ASTN2: variants seen among roughly 807,000 people sequenced by gnomAD.
ASTN2 encodes the protein astrotactin-2.
Under a neutral mutation model 139.8 loss-of-function variants are expected in ASTN2, and 54 were observed. The ratio of observed to expected loss-of-function variants is 0.39; its 90% CI spans 0.31 to 0.48. The LOEUF (loss-of-function observed/expected upper bound fraction) is 0.48. ASTN2 is among the 20% of genes least tolerant of loss of function. The pLI is 0.95. For missense variants in ASTN2, 1,565 were observed against 1,725.1 expected, an observed-to-expected ratio of 0.91 and a Z score of 1.64; for synonymous variants, 756 against 719.5, an observed-to-expected ratio of 1.05 and a Z score of -0.81.
At chr9:116,901,461 G>A (rs1834009073) in intron 10 of ASTN2, among the ~76,000 whole-genome samples, 1 of 152,168 alleles carries the variant, frequency 6.6e-6, no homozygotes, top group Admixed American at 6.5e-5. Context: ...AGGCAGCAGT[G>A]AGCTGAGATC....
At chr9:116,661,072 T>C (rs1211821037) in intron 16 of ASTN2, among the ~76,000 whole-genome samples, 1 of 152,138 alleles carries the variant, frequency 6.6e-6, no homozygotes, top group East Asian at 1.9e-4. Flanking sequence ...GGTCATACTC[T>C]CTGTGGGAAA....
intron 6 of ASTN2, among the ~76,000 whole-genome samples, chr9:117,031,064 C>A (rs1195260173): frequency 6.6e-6 from 1 of 152,132 alleles, no homozygotes; most frequent in Non-Finnish European, 1.5e-5. Context: ...GGTTCTGAAT[C>A]TCAGCCCAAT....
intron 2 of ASTN2, among the ~76,000 whole-genome samples, chr9:117,248,926 C>T (rs953013000): frequency 1.2e-4 from 18 of 152,164 alleles, no homozygotes; most frequent in East Asian, 9.6e-4. Context: ...TGATGAGGTT[C>T]GGGGCAAGTC....
intron 3 of ASTN2, among the ~76,000 whole-genome samples, chr9:117,161,284 A>G (rs1285818361): frequency 1.3e-5 from 2 of 152,036 alleles, no homozygotes; most frequent in Non-Finnish European, 2.9e-5. Context: ...GAAAGTAAAC[A>G]GAATTAAAAC....
chr9:117,391,636 C>T lies in ASTN2; in HGVS notation c.442+22861G>A, dbSNP rs559791804. Among the ~76,000 whole-genome samples, 5 of 152,168 alleles carry T rather than the reference C, an allele frequency of 3.3e-5. No homozygotes were observed. The South Asian group carries it at 8.3e-4, about 25-fold the overall frequency. On this transcript the variant is annotated intron_variant, in intron 1 of 22. Coordinates refer to ENST00000313400, the MANE Select transcript of ASTN2 (RefSeq NM_001365068.1). ...CACAGAGCCAAACCATATCATTTCGCCCCTGGCCCCTCCCAAATCTCATCT... is the reference window on the plus strand; with the variant it reads ...CACAGAGCCAAACCATATCATTTCGTCCCTGGCCCCTCCCAAATCTCATCT...
intron 7 of ASTN2, among the ~76,000 whole-genome samples, chr9:116,985,272 C>A (rs897287263): frequency 6.6e-6 from 1 of 152,192 alleles, no homozygotes; most frequent in Admixed American, 6.5e-5. Flanking sequence ...TAGCTGCCGG[C>A]CCCTTATTGT....
chr9:117,072,572 A>G (rs1828164221), intron 5 of ASTN2, among the ~76,000 whole-genome samples: 1 of 152,208 alleles, frequency 6.6e-6, no homozygotes, highest in South Asian at 2.1e-4. Flanking sequence ...GGAATCGTCA[A>G]TTTGAACAGA....
At chr9:116,850,389 T>C (rs115098841) in intron 11 of ASTN2, among the ~76,000 whole-genome samples, 1,678 of 152,282 alleles carry the variant, frequency 0.011, 9 homozygotes, top group African/African-American at 0.022. Flanking sequence ...TGTCATCAAC[T>C]AGAACAGCAG....
intron 18 of ASTN2, among the ~76,000 whole-genome samples, chr9:116,619,354 G>C: frequency 6.6e-6 from 1 of 151,950 alleles, no homozygotes; most frequent in East Asian, 1.9e-4. Context: ...CGCATATGCT[G>C]TTCCTTCTGC....
At chr9:116,490,836 G>A (rs750951697) in intron 19 of ASTN2, among the ~76,000 whole-genome samples, 3 of 152,206 alleles carry the variant, frequency 2.0e-5, no homozygotes, top group Non-Finnish European at 4.4e-5. Context: ...AATTCAAGAT[G>A]AGATTTGGGT....
At chr9:117,152,324 C>T (rs1019074815) in intron 3 of ASTN2, among the ~76,000 whole-genome samples, 12 of 152,124 alleles carry the variant, frequency 7.9e-5, no homozygotes, top group African/African-American at 2.7e-4. Context: ...TAACCGATCG[C>T]CTTTGACTCA....
chr9:117,008,073 C>A lies in ASTN2; in HGVS notation c.1591+19G>T. On this transcript the variant is annotated intron_variant, in intron 7 of 22. Transcript: ENST00000313400. ...AGCCTCTCCCACCTTCTATCCCCAT[C>A]CCGGCTCCCATGGCTCACCGGTTTC... is the stretch of plus-strand genomic sequence containing the variant. 1.3e-6 allele frequency: 2 copies of A among 1,565,904 alleles called. No individual in the cohort carries two copies. Among genetic ancestry groups the A allele is most frequent in the Middle Eastern group, 1.8e-4 (1 of 5,700 alleles).
rs139845670 is a variant in ASTN2 at position 116,981,859 on chromosome 9, A to G, written c.1592-5074T>C. Among the ~76,000 whole-genome samples the G allele has an allele frequency of 6.6e-5, 10 of 152,314 alleles. No homozygotes were observed. The East Asian group carries it at 1.9e-3, about 29-fold the overall frequency. ...AAAAAAAGAATTTACTCTCTTCACT[A>G]TATTGGTTCTCATAAGGGAATTCAA... On this transcript the variant is annotated intron_variant, in intron 7 of 22. Coordinates refer to ENST00000313400, the MANE Select transcript of ASTN2 (RefSeq NM_001365068.1).
intron 3 of ASTN2, among the ~76,000 whole-genome samples, chr9:117,152,825 T>G (rs901989278): frequency 6.6e-6 from 1 of 152,194 alleles, no homozygotes; most frequent in Non-Finnish European, 1.5e-5. Flanking sequence ...AGGATTCATC[T>G]AAATGTACCA....
intron 1 of ASTN2, among the ~76,000 whole-genome samples, chr9:117,381,468 C>A (rs1274573554): frequency 2.0e-5 from 3 of 152,098 alleles, no homozygotes; most frequent in Non-Finnish European, 2.9e-5. Flanking sequence ...TAGTGCCATC[C>A]ACTTGGTACC....
At chr9:117,273,054 G>A (rs183024455) in intron 2 of ASTN2, among the ~76,000 whole-genome samples, 1 of 152,290 alleles carries the variant, frequency 6.6e-6, no homozygotes, top group Non-Finnish European at 1.5e-5. Context: ...CATACCTGAG[G>A]CTGGGAAGAA....
At chr9:116,765,814 G>A (rs963104365) in intron 13 of ASTN2, among the ~76,000 whole-genome samples, 1 of 152,086 alleles carries the variant, frequency 6.6e-6, no homozygotes, top group Non-Finnish European at 1.5e-5. Flanking sequence ...AGCACAGAGT[G>A]ACACTTGGAA....
chr9:116,670,157 C>A (rs1859107410), intron 16 of ASTN2, among the ~76,000 whole-genome samples: 1 of 152,114 alleles, frequency 6.6e-6, no homozygotes, highest in East Asian at 1.9e-4. Context: ...ATTTGGGATG[C>A]TGAACAAATA....
intron 16 of ASTN2, among the ~76,000 whole-genome samples, chr9:116,702,519 C>T (rs530779990): frequency 6.6e-6 from 1 of 152,180 alleles, no homozygotes; most frequent in Non-Finnish European, 1.5e-5. Flanking sequence ...TATATTTGAG[C>T]TTTATTGAGG....
Sources: gnomAD v4.1 joint callset for allele counts (sites outside exome capture counted in the v4.1 genomes callset) on GRCh38, gnomAD v4.1.1 for gene constraint, MANE v1.5 for transcripts, NCBI Gene and HGNC (gene_info 2026-07-23, HGNC 2026-07-21) for gene names.